The following SUPT3H variants were observed in gnomAD, a reference collection of about 807,000 sequenced individuals.
SUPT3H encodes transcription initiation protein SPT3 homolog.
Under a neutral mutation model 44.3 loss-of-function variants are expected in SUPT3H, and 44 were observed. That is an observed-to-expected ratio of 0.99 (90% CI 0.78 to 1.28). SUPT3H has a LOEUF of 1.28. Among genes scored for constraint, SUPT3H ranks in the 50% most tolerant of loss-of-function variants. The pLI, the probability that SUPT3H is intolerant of heterozygous loss-of-function variation, is 0.00. For missense variants in SUPT3H, 380 were observed against 387.1 expected (o/e 0.98, Z 0.15); for synonymous variants, 124 against 125.6 (o/e 0.99, Z 0.09).
At chr6:45,034,013 G>C (rs564250073) in intron 3 of SUPT3H, among the ~76,000 whole-genome samples, 1 of 152,104 alleles carries the variant, frequency 6.6e-6, no homozygotes, top group Admixed American at 6.6e-5. Flanking sequence ...ATGTATATTA[G>C]TCAGGGGCTT....
intron 2 of SUPT3H, among the ~76,000 whole-genome samples, chr6:45,232,699 G>A (rs973913212): frequency 4.6e-5 from 7 of 152,080 alleles, no homozygotes; most frequent in African/African-American, 1.2e-4. Context: ...TACAGTGCAC[G>A]GTCACCAGCC....
intron 2 of SUPT3H, among the ~76,000 whole-genome samples, chr6:45,186,906 A>G (rs1814306077): frequency 6.6e-6 from 1 of 151,962 alleles, no homozygotes; most frequent in South Asian, 2.1e-4. Flanking sequence ...GTTTATTACC[A>G]TTAGGTCATA....
intron 3 of SUPT3H, among the ~76,000 whole-genome samples, chr6:45,091,652 C>T (rs1229425269): frequency 6.6e-6 from 1 of 152,038 alleles, no homozygotes. Flanking sequence ...TCTAGGTTTA[C>T]TGGAAGTATT....
intron 2 of SUPT3H, among the ~76,000 whole-genome samples, chr6:45,297,452 G>A (rs990334237): frequency 5.9e-5 from 9 of 152,148 alleles, no homozygotes; most frequent in Non-Finnish European, 1.0e-4. Flanking sequence ...TGTGTTTAAA[G>A]GTTTGTGTTA....
chr6:45,225,770 T>G, intron 2 of SUPT3H, among the ~76,000 whole-genome samples: 1 of 152,170 alleles, frequency 6.6e-6, no homozygotes, highest in East Asian at 1.9e-4. Context: ...CTCATCACAT[T>G]ATTAAATACA....
intron 2 of SUPT3H, among the ~76,000 whole-genome samples, chr6:45,142,520 T>A (rs928742604): frequency 4.0e-5 from 6 of 151,850 alleles, no homozygotes; most frequent in Admixed American, 1.3e-4. Flanking sequence ...GCAGATCACC[T>A]GAGGTCAGGA....
intron 2 of SUPT3H, among the ~76,000 whole-genome samples, chr6:45,207,169 C>CTAAA (rs1322887507): frequency 6.6e-6 from 1 of 152,030 alleles, no homozygotes; most frequent in Non-Finnish European, 1.5e-5. Context: ...GAAGTTAAAC[C>CTAAA]TAAATAAATA....
intron 6 of SUPT3H, among the ~76,000 whole-genome samples, chr6:44,968,634 T>C (rs1405164874): frequency 6.6e-6 from 1 of 152,132 alleles, no homozygotes; most frequent in Admixed American, 6.5e-5. Context: ...TCCTGGGGTA[T>C]TGCAACAGCT....
intron 2 of SUPT3H, among the ~76,000 whole-genome samples, chr6:45,110,603 G>A (rs1384787267): frequency 1.3e-5 from 2 of 151,518 alleles, no homozygotes; most frequent in African/African-American, 2.4e-5. Flanking sequence ...TCTTAAAAAT[G>A]AAGGAGCTTT....
intron 6 of SUPT3H, among the ~76,000 whole-genome samples, chr6:44,988,869 C>A (rs73737807): frequency 1.3e-5 from 2 of 152,084 alleles, no homozygotes; most frequent in Non-Finnish European, 2.9e-5. Flanking sequence ...AAACAAATTA[C>A]ATTTTCTAGC....
At chr6:45,247,251 A>C (rs1369445226) in intron 2 of SUPT3H, among the ~76,000 whole-genome samples, 2 of 152,220 alleles carry the variant, frequency 1.3e-5, no homozygotes, top group African/African-American at 2.4e-5. Flanking sequence ...TTCAGGAAAG[A>C]GTTGAGCAGC....
At chr6:45,284,646 G>A (rs2153668983) in intron 2 of SUPT3H, among the ~76,000 whole-genome samples, 1 of 152,274 alleles carries the variant, frequency 6.6e-6, no homozygotes, top group South Asian at 2.1e-4. Context: ...GGGATTCACA[G>A]CCAAATTCTA....
intron 2 of SUPT3H, among the ~76,000 whole-genome samples, chr6:45,223,011 A>G (rs1019103410): frequency 9.9e-5 from 15 of 152,120 alleles, no homozygotes; most frequent in African/African-American, 2.7e-4. Context: ...GAAAGAACAA[A>G]TCAGTGTTTG....
At chr6:45,071,972 C>G (rs114312255) in intron 3 of SUPT3H, among the ~76,000 whole-genome samples, 6 of 152,176 alleles carry the variant, frequency 3.9e-5, no homozygotes, top group Admixed American at 2.0e-4. Context: ...AGTGCCCTGT[C>G]ATTGAGTTCC....
Position 44,884,915 on chromosome 6 carries a change from T to C in SUPT3H, c.912+47738A>G, listed in dbSNP as rs546846734. On this transcript the variant is annotated intron_variant, in intron 10 of 10. Coordinates refer to ENST00000371459, the MANE Select transcript of SUPT3H (RefSeq NM_003599.4). ...GAAAATCGGGTCACTCCCACCCTAA[T>C]ACTGCGCTTTTCCAATGGGCTTAAA... is the stretch of plus-strand genomic sequence containing the variant. 6.2e-4 allele frequency among the ~76,000 whole-genome samples: 94 copies of C among 152,286 alleles called. 1 individual carries two copies. In the South Asian group the frequency reaches 0.019, roughly 30 times the overall value.
At chr6:44,949,796 T>C (rs936475250) in intron 9 of SUPT3H, among the ~76,000 whole-genome samples, 3 of 152,224 alleles carry the variant, frequency 2.0e-5, no homozygotes, top group Non-Finnish European at 2.9e-5. Context: ...CAAATGTTGA[T>C]GAAGCTGTGG....
At chr6:44,886,700 C>G (rs1762347033) in intron 10 of SUPT3H, among the ~76,000 whole-genome samples, 1 of 152,146 alleles carries the variant, frequency 6.6e-6, no homozygotes, top group Admixed American at 6.6e-5. Context: ...TAGGAAGAAA[C>G]TGCATCAACT....
At chr6:44,909,124 GGTGTGTGTGT>G (rs747035626) in intron 10 of SUPT3H, among the ~76,000 whole-genome samples, 7 of 117,056 alleles carry the variant, frequency 6.0e-5, no homozygotes, top group African/African-American at 1.3e-4. Context: ...ATACCTAAGA[GGTGTGTGTGT>G]GTGTGTGCGT....
intron 7 of SUPT3H, among the ~76,000 whole-genome samples, chr6:44,957,464 A>C (rs1320338560): frequency 6.6e-6 from 1 of 152,182 alleles, no homozygotes; most frequent in Non-Finnish European, 1.5e-5. Context: ...ATACTTCTAA[A>C]GTTAAAGTTA....
Sources: allele counts gnomAD v4.1 joint callset (sites outside exome capture counted in the v4.1 genomes callset), GRCh38; gene constraint gnomAD v4.1.1; transcripts MANE v1.5; gene names NCBI Gene and HGNC (gene_info 2026-07-23, HGNC 2026-07-21).